The following TTC27 variants were observed in gnomAD, a reference collection of about 807,000 sequenced individuals.
TTC27 encodes tetratricopeptide repeat protein 27.
In TTC27, 79 loss-of-function variants were observed where a neutral mutation model predicts 115.9. That is an observed-to-expected ratio of 0.68 (90% confidence interval 0.57 to 0.82). TTC27 has a LOEUF of 0.82. TTC27 is among the 40% of genes least tolerant of loss of function. TTC27 has a pLI of 0.00. For synonymous variants in TTC27, 401 were observed against 356.0 expected (o/e 1.13, Z -1.42); for missense variants, 1,054 against 993.1 (o/e 1.06, Z -0.82).
At chr2:32,773,199 G>T (rs1979153) in intron 13 of TTC27, among the ~76,000 whole-genome samples, 123,915 of 152,200 alleles carry the variant, frequency 0.81, 50,532 homozygotes, top group Middle Eastern at 0.9. Flanking sequence ...AGTCAGCTTT[G>T]AAAGGTTATT....
chr2:32,726,395 C>T (rs1399479763), intron 10 of TTC27, among the ~76,000 whole-genome samples: 1 of 152,120 alleles, frequency 6.6e-6, no homozygotes, highest in African/African-American at 2.4e-5. Context: ...CACCAGATAC[C>T]CTAAATCATC....
intron 13 of TTC27, among the ~76,000 whole-genome samples, chr2:32,765,602 A>G (rs1217039534): frequency 2.0e-5 from 3 of 152,172 alleles, no homozygotes; most frequent in Non-Finnish European, 4.4e-5. Flanking sequence ...CTTTGAAGTC[A>G]GGCATTGACT....
intron 19 of TTC27, 104 bp from the exon 20 acceptor site, chr2:32,820,712 A>G (rs1671668245): frequency 1.9e-6 from 2 of 1,028,788 alleles, no homozygotes; most frequent in East Asian, 6.1e-5. Context: ...ATAATTGTAT[A>G]GTATTATTAT....
intron 9 of TTC27, among the ~76,000 whole-genome samples, chr2:32,696,378 C>G (rs1220813446): frequency 2.0e-5 from 3 of 151,732 alleles, no homozygotes; most frequent in Non-Finnish European, 1.5e-5. Context: ...CAACCTCCAC[C>G]TCCTGGGTTC....
rs1048469354 is a variant in TTC27 at position 32,660,360 on chromosome 2, A to G, written c.641-3943A>G. Among the ~76,000 whole-genome samples the G allele has an allele frequency of 3.9e-5, 6 of 152,146 alleles. No individual in the cohort carries two copies. In the South Asian group the frequency reaches 6.2e-4, roughly 16 times the overall value. ...TATCTTTCAACCCAAATGCCCATCA[A>G]TGATAGACTGGATAAAGAAAATGTG... On this transcript the variant is annotated intron_variant, in intron 5 of 19. Coordinates refer to ENST00000317907, the MANE Select transcript of TTC27 (RefSeq NM_017735.5).
chr2:32,765,708 A>G (rs758883717), intron 13 of TTC27, among the ~76,000 whole-genome samples: 4 of 152,186 alleles, frequency 2.6e-5, no homozygotes, highest in South Asian at 2.1e-4. Context: ...ACCTTCATCA[A>G]TGGTCTTAGT....
At position 32,637,900 on chromosome 2, in the gene TTC27, T is replaced by G. The variant is rs1287864149; in HGVS notation, c.397-2370T>G. Among the ~76,000 whole-genome samples, 5 of 152,184 alleles carry G rather than the reference T, an allele frequency of 3.3e-5. No individual in the cohort carries two copies. The East Asian group carries it at 9.6e-4, about 29-fold the overall frequency. On this transcript the variant is annotated intron_variant, in intron 3 of 19. Coordinates refer to ENST00000317907, the MANE Select transcript of TTC27 (RefSeq NM_017735.5). The stretch of plus-strand genomic sequence containing the variant: ...TGAACTCATGATGAAGGTCTTCTCT[T>G]TTTGTGTCTGTATTTCAGTTACACA...
At chr2:32,736,658 C>T in intron 11 of TTC27, 36 bp from the exon 12 acceptor site, 2 of 1,612,002 alleles carry the variant, frequency 1.2e-6, no homozygotes, top group South Asian at 2.2e-5. Flanking sequence ...CTTTTTACAC[C>T]AAGAAGTATT....
chr2:32,662,574 C>G (rs564675591), intron 5 of TTC27, among the ~76,000 whole-genome samples: 1 of 152,214 alleles, frequency 6.6e-6, no homozygotes, highest in African/African-American at 2.4e-5. Flanking sequence ...TTATAGTATT[C>G]TCTGATGGTA....
chr2:32,667,214 G>C (rs1168849057), intron 7 of TTC27, among the ~76,000 whole-genome samples: 2 of 151,822 alleles, frequency 1.3e-5, no homozygotes, highest in African/African-American at 4.8e-5. Context: ...CACTAGTTTT[G>C]TGATCGGCCT....
At chr2:32,656,266 A>G (rs1174088217) in intron 5 of TTC27, among the ~76,000 whole-genome samples, 1 of 152,214 alleles carries the variant, frequency 6.6e-6, no homozygotes, top group Non-Finnish European at 1.5e-5. Context: ...GGACTAAAAT[A>G]CAGGTAGGAC....
rs550738642 is a variant in TTC27, at chr2:32,764,447, CA to C, written c.1680+5937del. The stretch of plus-strand genomic sequence containing the variant: ...CCTTAATTTAAACCTACTTTATTAC[CA>C]AAAAAAAATGCTAATGATTATCTGA... On this transcript the variant is annotated intron_variant, in intron 13 of 19. Transcript: ENST00000317907. Among the ~76,000 whole-genome samples the C allele has an allele frequency of 2.4e-3, 360 of 150,432 alleles. 4 individuals carry two copies. The highest frequency in any genetic ancestry group is 7.1e-3 in the African/African-American group (292 of 41,042).
chr2:32,805,044 G>C (rs956968249), intron 16 of TTC27, among the ~76,000 whole-genome samples: 6 of 152,216 alleles, frequency 3.9e-5, no homozygotes, highest in African/African-American at 1.4e-4. Context: ...TAGAAAGGAA[G>C]AAAGAGGAGA....
At chr2:32,806,919 A>T (rs917308330) in intron 16 of TTC27, among the ~76,000 whole-genome samples, 5 of 152,204 alleles carry the variant, frequency 3.3e-5, no homozygotes, top group African/African-American at 4.8e-5. Flanking sequence ...AATAATTTTA[A>T]ATTAATTTTT....
rs555063489 is a variant in TTC27 at position 32,702,888 on chromosome 2, C to T, written c.1201C>T (p.Arg401Cys). 93 of 1,613,856 alleles carry T rather than the reference C, an allele frequency of 5.8e-5. No homozygotes were observed. The highest frequency in any genetic ancestry group is 7.7e-5 in the South Asian group (7 of 91,060). ...GACAAAACTTGAGAAAGGAAGTACT[C>T]GCCGAGTGGAACGGGCAATGAGGCA... ...LRTKLEKGST[R>C]RVERAMRQTQ... Residue 401 changes from arginine to cysteine, a missense_variant, in exon 10 of 20, where the codon CGC becomes TGC. Arg to Cys is a radical substitution (Grantham distance 180). Transcript: ENST00000317907.
At chr2:32,740,092 A>T (rs1193161280) in intron 12 of TTC27, among the ~76,000 whole-genome samples, 1 of 152,196 alleles carries the variant, frequency 6.6e-6, no homozygotes, top group Non-Finnish European at 1.5e-5. Context: ...TTGGTATCAG[A>T]ACTGGTTCTC....
intron 16 of TTC27, among the ~76,000 whole-genome samples, chr2:32,804,989 A>G (rs1176161127): frequency 6.6e-6 from 1 of 152,230 alleles, no homozygotes; most frequent in Admixed American, 6.5e-5. Flanking sequence ...TTACTAGCAT[A>G]CATATTTCAT....
intron 5 of TTC27, among the ~76,000 whole-genome samples, chr2:32,658,965 CCTTTT>C (rs1432895508): frequency 6.6e-6 from 1 of 151,784 alleles, no homozygotes. Context: ...ATCTGTTTCC[CCTTTT>C]CTTTTATTTT....
At chr2:32,791,317 C>T (rs1670527481) in intron 16 of TTC27, among the ~76,000 whole-genome samples, 1 of 152,046 alleles carries the variant, frequency 6.6e-6, no homozygotes, top group Non-Finnish European at 1.5e-5. Context: ...CCTTGGGCAA[C>T]ATTTTGGGAA....
Sources: gnomAD v4.1 joint callset for allele counts (sites outside exome capture counted in the v4.1 genomes callset) on GRCh38, gnomAD v4.1.1 for gene constraint, MANE v1.5 for transcripts, NCBI Gene and HGNC (gene_info 2026-07-23, HGNC 2026-07-21) for gene names.